Variants in NPC1L1 observed in about 807,000 individuals in gnomAD.
The protein encoded by NPC1L1 is NPC1-like intracellular cholesterol transporter 1.
A neutral mutation model predicts 117.0 loss-of-function variants in NPC1L1; 98 were observed. The observed-to-expected ratio is 0.84, with a 90% CI of 0.71 to 0.99. The LOEUF (loss-of-function observed/expected upper bound fraction) is 0.99, where lower values mean the gene tolerates loss of function less well. Ranked by LOEUF, NPC1L1 falls within the 50% of genes least tolerant of loss-of-function variation. NPC1L1 has a pLI of 0.00. For missense variants in NPC1L1, 1,540 were observed against 1,710.0 expected, an observed-to-expected ratio of 0.90 and a Z score of 1.75; for synonymous variants, 729 against 727.6, an observed-to-expected ratio of 1.00 and a Z score of -0.03.
chr7:44,529,110 AACAC>A (rs59108479), intron 10 of NPC1L1, among the ~76,000 whole-genome samples: 2,842 of 122,910 alleles, frequency 0.023, 66 homozygotes, highest in East Asian at 0.059. Context: ...GAATGAATTA[AACAC>A]ACACACACAC....
In NPC1L1 at chr7:44,520,784, A is replaced by G. The variant is rs1563202603; in HGVS notation, c.3117T>C (p.Thr1039=). 6.2e-7 allele frequency: 1 copy of G among 1,614,120 alleles called. No homozygotes were observed. Among genetic ancestry groups the G allele is most frequent in the Admixed American group, 1.7e-5 (1 of 60,020 alleles). Residue 1039 remains threonine (T), a synonymous_variant, in exon 14 of 19, where the codon ACT becomes ACC. Coordinates refer to ENST00000381160, the MANE Select transcript of NPC1L1 (RefSeq NM_001101648.2). ...GCTTACCTAAAACCTGGCCATCTGA[A>G]GTCAAGTTCACAGAGGTGCTGTATG... The part of the protein sequence containing the change: ...LAAYSTSVNL[T]SDGQVLASRF...
intron 10 of NPC1L1, among the ~76,000 whole-genome samples, chr7:44,526,565 C>T (rs1230779167): frequency 7.4e-6 from 1 of 134,260 alleles, no homozygotes; most frequent in African/African-American, 2.9e-5. Flanking sequence ...AAAAAAAAAA[C>T]TAAAAATTAA....
rs373713126 is a variant in NPC1L1 at position 44,522,592 on chromosome 7, A to G, written c.2638-350T>C. 2.6e-4 allele frequency among the ~76,000 whole-genome samples: 40 copies of G among 152,336 alleles called. No homozygotes were observed. In the East Asian group the frequency reaches 5.2e-3, roughly 20 times the overall value. On this transcript the variant is annotated intron_variant, in intron 10 of 18. Transcript: ENST00000381160. ...AGGACATGCACAGACACACACACTC[A>G]GGGGTACCCTCAAGATGTATGTGCA...
chr7:44,515,456 G>A (rs1183881084), intron 18 of NPC1L1, among the ~76,000 whole-genome samples: 1 of 152,142 alleles, frequency 6.6e-6, no homozygotes, highest in Non-Finnish European at 1.5e-5. Context: ...TTTGTTTTAG[G>A]CAGGCATGTC....
rs565310047 is a variant in NPC1L1, at chr7:44,522,324, T to C, written c.2638-82A>G. On this transcript the variant is annotated intron_variant, in intron 10 of 18. Coordinates refer to ENST00000381160, the MANE Select transcript of NPC1L1 (RefSeq NM_001101648.2). ...TCAATCCAGCTCACACTCTCGAAGG[T>C]ACACACAGAGGTACATGCTAAAAGG... 10 of 1,324,256 alleles carry C rather than the reference T, an allele frequency of 7.6e-6. No individual in the cohort carries two copies. In the African/African-American group the frequency reaches 1.2e-4, roughly 15 times the overall value. The allele number at this position is 1,324,256 out of a possible 1,614,324, so 82.0% of individuals were successfully genotyped here. A position where few individuals can be genotyped will look rare whatever the true frequency, so the allele number is the denominator to read the frequency against.
chr7:44,517,414 AC>A (rs1563201298), intron 14 of NPC1L1, 57 bp from the exon 15 acceptor site: 31 of 1,597,782 alleles, frequency 1.9e-5, no homozygotes, highest in South Asian at 1.9e-4. Flanking sequence ...CCTTTCCAGG[AC>A]AACTTCAGAA....
Position 44,515,939 on chromosome 7 carries a change from G to C in NPC1L1, c.3660C>G (p.Asn1220Lys). ...SAVFAGVAMT[N>K]LPGILVLGLA... ...GGCCCAGGACAAGGATGCCAGGCAG[G>C]TTGGTCATGGCCACACCTGCAAACA... Residue 1220 changes from asparagine to lysine, a missense_variant, in exon 18 of 19, where the codon AAC becomes AAG. This residue lies in a region of NPC1L1 where 742 missense variants were observed against 873.6 expected (regional missense o/e 0.85). Transcript: ENST00000381160. 1.2e-6 allele frequency: 2 copies of C among 1,614,104 alleles called. No individual in the cohort carries two copies. The highest frequency in any genetic ancestry group is 1.7e-6 in the Non-Finnish European group (2 of 1,180,008).
intron 18 of NPC1L1, among the ~76,000 whole-genome samples, chr7:44,515,065 A>G (rs1479990602): frequency 6.6e-6 from 1 of 152,034 alleles, no homozygotes; most frequent in Non-Finnish European, 1.5e-5. Context: ...AACAAATTTA[A>G]AGTAAAATAA....
At position 44,539,456 on chromosome 7, in the gene NPC1L1, C is replaced by G; in HGVS notation, c.941G>C (p.Ser314Thr). The G allele has an allele frequency of 1.2e-6, 2 of 1,614,050 alleles. No homozygotes were observed. The highest frequency in any genetic ancestry group is 1.7e-6 in the Non-Finnish European group (2 of 1,179,996). The change falls in exon 2 of 19, where the codon AGC becomes ACC. Residue 314 changes from serine to threonine, a missense_variant. By Grantham distance (58) the Ser-to-Thr change is moderately conservative (BLOSUM62 1). Around this residue, in one of 3 missense-constraint regions of NPC1L1, gnomAD observed 793 missense variants for 820.4 expected, o/e 0.97. Transcript: ENST00000381160. This position sits in a 1 kb window ranked among gnomAD's most constrained non-coding sequence, Gnocchi z 4.4. ...GFRVAPARDK[S>T]KMVDPKKGTS... ...GCCCTTCTTGGGGTCCACCATCTTG[C>G]TTTTGTCCCTGGCGGGGGCCACACG...
chr7:44,516,476 C>T (rs552591445), intron 16 of NPC1L1, among the ~76,000 whole-genome samples: 91 of 151,962 alleles, frequency 6.0e-4, no homozygotes, highest in African/African-American at 2.1e-3. Context: ...CGCAGTGGCA[C>T]GTGCCTGTAG....
At position 44,538,677 on chromosome 7, in the gene NPC1L1, C is replaced by A. The variant is rs919671428; in HGVS notation, c.1580+140G>T. On this transcript the variant is annotated intron_variant, in intron 2 of 18. Transcript: ENST00000381160. This position sits in a 1 kb window ranked among gnomAD's most constrained non-coding sequence, Gnocchi z 5.9. Reference sequence around the variant, plus strand: ...CGAGGGGCAGAGATAATCATCTGGGCGGCCCCAGGCCAGAGCCGTAGGAAT... The same window carrying A: ...CGAGGGGCAGAGATAATCATCTGGGAGGCCCCAGGCCAGAGCCGTAGGAAT... 3.6e-6 allele frequency: 3 copies of A among 827,132 alleles called. No individual in the cohort carries two copies. The highest frequency in any genetic ancestry group is 3.4e-5 in the African/African-American group (2 of 59,652). 51.2% of individuals were successfully genotyped at this position (827,132 alleles called of 1,614,324 possible).
intron 11 of NPC1L1, 66 bp downstream of exon 11, chr7:44,521,986 A>C: frequency 1.3e-6 from 2 of 1,589,200 alleles, no homozygotes; most frequent in Non-Finnish European, 1.7e-6. Flanking sequence ...GGAAGAGGGG[A>C]CTGGAGAGGA....
rs767225790 is a variant in NPC1L1 at position 44,538,963 on chromosome 7, G to T, written c.1434C>A (p.Asp478Glu). 1 of 1,614,246 alleles carries T rather than the reference G, an allele frequency of 6.2e-7. No individual in the cohort carries two copies. The highest frequency in any genetic ancestry group is 1.1e-5 in the South Asian group (1 of 91,090). ...TGCAGCAGTCGTAGAGACTGGTATT[G>T]TCCGGATTGAGGGGGGCGTAGCAGA... The part of the protein sequence containing the change: ...QDICYAPLNP[D>E]NTSLYDCCIN... The change falls in exon 2 of 19, where the codon GAC (aspartate) becomes GAA (glutamate). Residue 478 changes from aspartate to glutamate, a missense_variant. Physicochemically the swap from Asp to Glu is conservative, Grantham distance 45. This residue lies in a region of NPC1L1 where 793 missense variants were observed against 820.4 expected (regional missense o/e 0.97). Coordinates refer to ENST00000381160, the MANE Select transcript of NPC1L1 (RefSeq NM_001101648.2). The surrounding 1 kb of genome is among the most constrained non-coding windows in gnomAD (Gnocchi z 5.9).
Position 44,516,794 on chromosome 7 carries a change from AGCAGGTTGAGGAGGCCGGAGC to A in NPC1L1, c.3407_3427del (p.Arg1136_Leu1142del). 4 of 1,614,082 alleles carry A rather than the reference AGCAGGTTGAGGAGGCCGGAGC, an allele frequency of 2.5e-6. No individual in the cohort carries two copies. The highest frequency in any genetic ancestry group is 3.4e-6 in the Non-Finnish European group (4 of 1,180,006). Reference sequence around the variant, plus strand: ...GTCCACGAGGATCATGACAATGGAGAGCAGGTTGAGGAGGCCGGAGCGCAGGTCCAGGCCCAGCAGGAGGCA... The same window carrying A: ...GTCCACGAGGATCATGACAATGGAGAGCAGGTCCAGGCCCAGCAGGAGGCA... On this transcript the variant is annotated inframe_deletion, in exon 16 of 19. Transcript: ENST00000381160.
Position 44,531,848 on chromosome 7 carries a change from AGAAG to A in NPC1L1, c.2548-8_2548-5del. ...ACAGGGCGAGAAACAGCAGCAGCTG[AGAAG>A]GGACCTGCTGCATGAGACCACCCTG... On this transcript the variant is annotated splice_region_variant and splice_polypyrimidine_tract_variant and intron_variant, in intron 9 of 18. Coordinates refer to ENST00000381160, the MANE Select transcript of NPC1L1 (RefSeq NM_001101648.2). 6.3e-7 allele frequency: 1 copy of A among 1,576,738 alleles called. No individual in the cohort carries two copies. The highest frequency in any genetic ancestry group is 2.3e-5 in the East Asian group (1 of 43,460).
intron 9 of NPC1L1, 45 bp from the exon 10 acceptor site, chr7:44,531,889 T>TC: frequency 6.5e-7 from 1 of 1,537,588 alleles, no homozygotes; most frequent in Non-Finnish European, 8.8e-7. Flanking sequence ...CCAACAGCCG[T>TC]CCCCCATCTC....
chr7:44,528,626 C>T (rs370407934), intron 10 of NPC1L1, among the ~76,000 whole-genome samples: 1 of 152,198 alleles, frequency 6.6e-6, no homozygotes, highest in South Asian at 2.1e-4. Flanking sequence ...TAGTAGCAAT[C>T]AACTAAGCAC....
intron 5 of NPC1L1, among the ~76,000 whole-genome samples, chr7:44,535,277 A>G (rs933092004): frequency 6.6e-6 from 1 of 151,862 alleles, no homozygotes; most frequent in Non-Finnish European, 1.5e-5. Flanking sequence ...AGGCAGGACA[A>G]TTGTTGAACC....
chr7:44,529,771 C>G (rs1029857960), intron 10 of NPC1L1, among the ~76,000 whole-genome samples: 3 of 152,062 alleles, frequency 2.0e-5, no homozygotes, highest in African/African-American at 7.2e-5. Flanking sequence ...CACAGTGGTT[C>G]ATGCCTGTAA....
Sources: gnomAD v4.1 joint callset for allele counts (sites outside exome capture counted in the v4.1 genomes callset) on GRCh38, gnomAD v4.1.1 for gene constraint, gnomAD v4.1.1 regional missense constraint, Gnocchi (gnomAD v3.1) non-coding constraint, MANE v1.5 for transcripts, NCBI Gene and HGNC (gene_info 2026-07-23, HGNC 2026-07-21) for gene names.